Variants in PDE4D observed in about 807,000 individuals in gnomAD.
PDE4D encodes the protein phosphodiesterase 4D, also known as 3',5'-cyclic-AMP phosphodiesterase 4D.
In PDE4D, 24 loss-of-function variants were observed where a neutral mutation model predicts 87.4. The ratio of observed to expected loss-of-function variants is 0.27; its 90% CI spans 0.20 to 0.39. The LOEUF (loss-of-function observed/expected upper bound fraction) is 0.39. PDE4D is among the 10% of genes least tolerant of loss of function. The probability of loss-of-function intolerance (pLI) is 1.00; values close to 1 mark genes in which losing one functional copy is unlikely to be tolerated. For missense variants in PDE4D, 714 were observed against 1,041.0 expected (o/e 0.69, Z 4.32); for synonymous variants, 384 against 383.2 (o/e 1.00, Z -0.02).
intron 2 of PDE4D, among the ~76,000 whole-genome samples, chr5:59,998,080 A>C (rs1485025414): frequency 6.6e-6 from 1 of 152,208 alleles, no homozygotes; most frequent in Non-Finnish European, 1.5e-5. Flanking sequence ...ATGTGTGTGC[A>C]GACCTCCCTC....
intron 1 of PDE4D, among the ~76,000 whole-genome samples, chr5:60,361,703 A>AAGCATGGTAATTAACAACGT (rs1312773462): frequency 6.6e-6 from 1 of 152,104 alleles, no homozygotes; most frequent in Non-Finnish European, 1.5e-5. Context: ...CTTTCTTCCC[A>AAGCATGGTAATTAACAACGT]AGCATGGTAA....
chr5:59,214,032 TCACACACACACACACACACACA>T (rs199738839), intron 2 of PDE4D, among the ~76,000 whole-genome samples: 3 of 132,668 alleles, frequency 2.3e-5, no homozygotes, highest in Non-Finnish European at 4.8e-5. Flanking sequence ...CATACATACT[TCACACACACACACACACACACA>T]CACACACACA....
At chr5:60,226,610 G>C (rs189014976) in intron 1 of PDE4D, among the ~76,000 whole-genome samples, 1 of 152,126 alleles carries the variant, frequency 6.6e-6, no homozygotes, top group East Asian at 1.9e-4. Context: ...TTCTTTTAAT[G>C]CTGCAAGGAA....
intron 1 of PDE4D, among the ~76,000 whole-genome samples, chr5:59,831,657 C>G (rs986564449): frequency 2.0e-5 from 3 of 152,066 alleles, no homozygotes; most frequent in Non-Finnish European, 4.4e-5. Flanking sequence ...GTTAACTCTT[C>G]TTTGATTCTA....
intron 3 of PDE4D, among the ~76,000 whole-genome samples, chr5:59,982,546 C>T (rs1762031654): frequency 1.3e-5 from 2 of 152,096 alleles, no homozygotes; most frequent in Non-Finnish European, 2.9e-5. Context: ...GAAAGGAGAT[C>T]CTAATTCCTC....
At chr5:59,037,177 T>C (rs1261686814) in intron 6 of PDE4D, among the ~76,000 whole-genome samples, 1 of 152,222 alleles carries the variant, frequency 6.6e-6, no homozygotes, top group Non-Finnish European at 1.5e-5. Context: ...AATCCAAACA[T>C]AGATCTCAAC....
At chr5:60,097,919 C>CT (rs1775839282) in intron 2 of PDE4D, among the ~76,000 whole-genome samples, 1 of 151,958 alleles carries the variant, frequency 6.6e-6, no homozygotes, top group Admixed American at 6.6e-5. Context: ...CTGGAAAACT[C>CT]TTAATCAACA....
chr5:60,115,006 C>T (rs569270572), intron 2 of PDE4D, among the ~76,000 whole-genome samples: 2 of 128,856 alleles, frequency 1.6e-5, no homozygotes, highest in African/African-American at 5.7e-5. Context: ...GGATGCCTCA[C>T]AACAGTTCCT....
At chr5:60,455,747 T>A (rs1024388103) in intron 1 of PDE4D, among the ~76,000 whole-genome samples, 1 of 152,158 alleles carries the variant, frequency 6.6e-6, no homozygotes, top group Admixed American at 6.5e-5. Flanking sequence ...TCACATCTAG[T>A]ACCTACAGCA....
chr5:59,074,914 T>C (rs971357638), intron 5 of PDE4D, among the ~76,000 whole-genome samples: 1 of 152,140 alleles, frequency 6.6e-6, no homozygotes, highest in African/African-American at 2.4e-5. Flanking sequence ...TTTTATTATA[T>C]CATATAGTTC....
At chr5:59,351,382 CTT>C (rs1018442679) in intron 1 of PDE4D, among the ~76,000 whole-genome samples, 11 of 152,100 alleles carry the variant, frequency 7.2e-5, no homozygotes, top group Non-Finnish European at 1.5e-4. Context: ...TCTATAATTT[CTT>C]TTTGTCAATT....
intron 2 of PDE4D, among the ~76,000 whole-genome samples, chr5:60,168,118 T>C (rs561973719): frequency 1.4e-4 from 21 of 152,316 alleles, no homozygotes; most frequent in Non-Finnish European, 2.5e-4. Flanking sequence ...CCCTGAGATA[T>C]AGATATTTTC....
intron 5 of PDE4D, among the ~76,000 whole-genome samples, chr5:59,116,577 A>C (rs1773652524): frequency 6.6e-6 from 1 of 152,192 alleles, no homozygotes; most frequent in African/African-American, 2.4e-5. Flanking sequence ...TGAATTACAA[A>C]GCAATGTGTG....
At chr5:60,085,340 C>T (rs1178960278) in intron 2 of PDE4D, among the ~76,000 whole-genome samples, 1 of 152,146 alleles carries the variant, frequency 6.6e-6, no homozygotes, top group African/African-American at 2.4e-5. Context: ...AGACTCATGT[C>T]CTTTCAGAAA....
chr5:60,468,813 A>G (rs921079460), intron 1 of PDE4D, among the ~76,000 whole-genome samples: 11 of 152,010 alleles, frequency 7.2e-5, no homozygotes, highest in African/African-American at 2.7e-4. Flanking sequence ...GGCATGAGCC[A>G]CCCACTGTGC....
chr5:59,132,119 A>G (rs1011323225), intron 5 of PDE4D, among the ~76,000 whole-genome samples: 8 of 152,224 alleles, frequency 5.3e-5, no homozygotes, highest in Admixed American at 1.3e-4. Flanking sequence ...TTTTACTATA[A>G]GAGAAATCAG....
At chr5:59,982,687 G>A (rs140574015) in intron 3 of PDE4D, among the ~76,000 whole-genome samples, 2 of 152,166 alleles carry the variant, frequency 1.3e-5, no homozygotes, top group African/African-American at 2.4e-5. Context: ...ATGTGTGCGG[G>A]AAGATGCCAG....
At chr5:60,067,131 C>T (rs1179826324) in intron 2 of PDE4D, among the ~76,000 whole-genome samples, 3 of 152,134 alleles carry the variant, frequency 2.0e-5, no homozygotes, top group African/African-American at 7.2e-5. Context: ...CTACATTTCA[C>T]TTATTCATTT....
At chr5:59,743,422 C>A (rs753524620) in intron 1 of PDE4D, among the ~76,000 whole-genome samples, 2 of 152,166 alleles carry the variant, frequency 1.3e-5, no homozygotes, top group Middle Eastern at 3.4e-3. Flanking sequence ...AGATGGCCAA[C>A]AAGTACATGA....
Sources: gnomAD v4.1 joint callset for allele counts (sites outside exome capture counted in the v4.1 genomes callset) on GRCh38, gnomAD v4.1.1 for gene constraint, MANE v1.5 for transcripts, NCBI Gene and HGNC (gene_info 2026-07-23, HGNC 2026-07-21) for gene names.